STPG2: variants seen among roughly 807,000 people sequenced by gnomAD.
The protein encoded by STPG2 is sperm tail PG-rich repeat containing 2.
Under a neutral mutation model 54.2 loss-of-function variants are expected in STPG2, and 56 were observed. The ratio of observed to expected loss-of-function variants is 1.03; its 90% CI spans 0.83 to 1.29. The LOEUF is 1.29. Among genes scored for constraint, STPG2 ranks in the 50% most tolerant of loss-of-function variants. The probability of loss-of-function intolerance (pLI) is 0.00; values close to 1 mark genes in which losing one functional copy is unlikely to be tolerated. For missense variants in STPG2, 596 were observed against 544.9 expected, an observed-to-expected ratio of 1.09 and a Z score of -0.93; for synonymous variants, 200 against 181.8, an observed-to-expected ratio of 1.10 and a Z score of -0.81.
At chr4:98,090,932 A>T (rs1738666746) in intron 5 of STPG2, among the ~76,000 whole-genome samples, 1 of 151,780 alleles carries the variant, frequency 6.6e-6, no homozygotes, top group African/African-American at 2.4e-5. Flanking sequence ...TGCTAAAAAT[A>T]ACCTGATTCT....
At chr4:97,798,528 T>A (rs938986659) in intron 9 of STPG2, among the ~76,000 whole-genome samples, 11 of 152,186 alleles carry the variant, frequency 7.2e-5, no homozygotes, top group African/African-American at 2.6e-4. Flanking sequence ...TCTAGTTTGA[T>A]TGCACTGTGG....
At chr4:97,956,907 C>A (rs1733693942) in intron 7 of STPG2, among the ~76,000 whole-genome samples, 1 of 151,968 alleles carries the variant, frequency 6.6e-6, no homozygotes, top group Non-Finnish European at 1.5e-5. Flanking sequence ...GGTAATAAGA[C>A]AAAATAAGGT....
At chr4:97,747,284 T>G (rs753875405) in intron 9 of STPG2, among the ~76,000 whole-genome samples, 2 of 151,380 alleles carry the variant, frequency 1.3e-5, no homozygotes, top group Admixed American at 6.6e-5. Flanking sequence ...ATTACACCCA[T>G]TTATTGAATG....
intron 10 of STPG2, among the ~76,000 whole-genome samples, chr4:97,594,597 T>G (rs1034050606): frequency 6.6e-6 from 1 of 152,148 alleles, no homozygotes; most frequent in Non-Finnish European, 1.5e-5. Flanking sequence ...TCATGAAAAT[T>G]TCTCCAACCT....
At chr4:97,914,793 G>A (rs1274605990) in intron 8 of STPG2, among the ~76,000 whole-genome samples, 3 of 152,086 alleles carry the variant, frequency 2.0e-5, no homozygotes, top group South Asian at 2.1e-4. Flanking sequence ...GCATCATGTC[G>A]GCATTCAAAA....
intron 4 of STPG2, among the ~76,000 whole-genome samples, chr4:97,499,676 T>C (rs992424646): frequency 2.0e-5 from 3 of 151,816 alleles, no homozygotes; most frequent in Non-Finnish European, 2.9e-5. Flanking sequence ...GGGTTCCAAT[T>C]TTTAATAGCA....
intron 8 of STPG2, among the ~76,000 whole-genome samples, chr4:97,852,458 C>T (rs907754166): frequency 6.6e-6 from 1 of 152,094 alleles, no homozygotes; most frequent in Non-Finnish European, 1.5e-5. Context: ...CACCCCTCAC[C>T]ATGAAGTATG....
At chr4:97,759,793 T>A (rs1725836910) in intron 9 of STPG2, among the ~76,000 whole-genome samples, 1 of 152,188 alleles carries the variant, frequency 6.6e-6, no homozygotes, top group Admixed American at 6.5e-5. Context: ...CATTCCTTTT[T>A]CTACCTATAA....
intron 8 of STPG2, among the ~76,000 whole-genome samples, chr4:97,941,192 C>A (rs1732968537): frequency 6.6e-6 from 1 of 151,968 alleles, no homozygotes; most frequent in South Asian, 2.1e-4. Flanking sequence ...TTATATTTCT[C>A]ATCCCTTTGT....
chr4:97,540,090 T>C (rs1731655379), intron 4 of STPG2, among the ~76,000 whole-genome samples: 1 of 151,984 alleles, frequency 6.6e-6, no homozygotes, highest in Non-Finnish European at 1.5e-5. Flanking sequence ...AGCAAACACA[T>C]TCAAAAGCTA....
At chr4:97,655,940 T>G (rs958216566) in intron 10 of STPG2, among the ~76,000 whole-genome samples, 2 of 152,172 alleles carry the variant, frequency 1.3e-5, no homozygotes, top group South Asian at 2.1e-4. Flanking sequence ...TACTGTTATT[T>G]CATATTTTTA....
At chr4:97,641,649 A>G (rs1229566145) in intron 10 of STPG2, among the ~76,000 whole-genome samples, 1 of 151,472 alleles carries the variant, frequency 6.6e-6, no homozygotes, top group Non-Finnish European at 1.5e-5. Context: ...TTTAAAACCT[A>G]AAACTCACTT....
Position 97,559,006 on chromosome 4 carries a change from A to C in STPG2, c.*52T>G. 7.0e-7 allele frequency: 1 copy of C among 1,424,792 alleles called. No homozygotes were observed. The highest frequency in any genetic ancestry group is 9.7e-7 in the Non-Finnish European group (1 of 1,027,846). The allele number at this position is 1,424,792 out of a possible 1,614,324, so 88.3% of individuals were successfully genotyped here. A position where few individuals can be genotyped will look rare whatever the true frequency, so the allele number is the denominator to read the frequency against. ...ATAAATTTTGTTAAAATGACAAAGA[A>C]ATAAACTGACTTCCATGAAGTTGTT... is the stretch of plus-strand genomic sequence containing the variant. On this transcript the variant is annotated 3_prime_UTR_variant, in exon 11 of 11. Transcript: ENST00000295268.
In STPG2 at chr4:98,085,104, T is replaced by C. The variant is rs116731483; in HGVS notation, c.612+20849A>G. Among the ~76,000 whole-genome samples the C allele has an allele frequency of 5.0e-3, 758 of 152,190 alleles. 8 individuals carry two copies. Among genetic ancestry groups the C allele is most frequent in the African/African-American group, 0.017 (727 of 41,556 alleles). On this transcript the variant is annotated intron_variant, in intron 5 of 10. Transcript: ENST00000295268. The stretch of plus-strand genomic sequence containing the variant: ...AGATCTATGACCCATTTTGAATTAA[T>C]TTTTTTGTATGGGATGAATTATGTT...
At chr4:98,044,626 T>C (rs553699743) in intron 5 of STPG2, among the ~76,000 whole-genome samples, 2 of 152,282 alleles carry the variant, frequency 1.3e-5, no homozygotes, top group Admixed American at 6.5e-5. Context: ...CGCCAGTCCA[T>C]TCTTAAGGAA....
At chr4:97,862,486 C>T (rs957672070) in intron 8 of STPG2, among the ~76,000 whole-genome samples, 1 of 152,228 alleles carries the variant, frequency 6.6e-6, no homozygotes, top group East Asian at 1.9e-4. Context: ...GACTCCCACA[C>T]ATTAATAATA....
chr4:97,620,486 G>T, intron 10 of STPG2, among the ~76,000 whole-genome samples: 1 of 152,020 alleles, frequency 6.6e-6, no homozygotes, highest in African/African-American at 2.4e-5. Flanking sequence ...TTCAAATCAA[G>T]GGTGGCTGGT....
intron 10 of STPG2, among the ~76,000 whole-genome samples, chr4:97,629,680 A>G (rs1246376852): frequency 2.0e-5 from 3 of 152,026 alleles, no homozygotes; most frequent in Admixed American, 6.6e-5. Context: ...AAGTTACAAC[A>G]CTAACCTTGA....
intron 7 of STPG2, among the ~76,000 whole-genome samples, chr4:97,966,036 T>A (rs1734085167): frequency 6.6e-6 from 1 of 152,140 alleles, no homozygotes; most frequent in South Asian, 2.1e-4. Context: ...TTGACAGAAG[T>A]AGGCTTCAGA....
Sources: gnomAD v4.1 joint callset for allele counts (sites outside exome capture counted in the v4.1 genomes callset) on GRCh38, gnomAD v4.1.1 for gene constraint, MANE v1.5 for transcripts, NCBI Gene and HGNC (gene_info 2026-07-23, HGNC 2026-07-21) for gene names.